The following ADAM28 variants were observed in gnomAD, a reference collection of about 807,000 sequenced individuals.
ADAM28 encodes the protein ADAM metallopeptidase domain 28.
ADAM28 carries 105 observed loss-of-function variants against 101.2 expected under a neutral mutation model. The observed-to-expected ratio is 1.04, with a 90% confidence interval of 0.89 to 1.22. ADAM28 has a LOEUF of 1.22. ADAM28 is among the 50% of genes most tolerant of loss of function. The pLI is 0.00. For missense variants in ADAM28, 1,028 were observed against 945.4 expected (o/e 1.09, Z -1.15); for synonymous variants, 322 against 310.6 (o/e 1.04, Z -0.39).
Position 24,354,429 on chromosome 8 carries a change from G to A in ADAM28, c.*25G>A. 1 of 1,599,782 alleles carries A rather than the reference G, an allele frequency of 6.3e-7. No homozygotes were observed. The highest frequency in any genetic ancestry group is 8.5e-7 in the Non-Finnish European group (1 of 1,172,750). On this transcript the variant is annotated 3_prime_UTR_variant, in exon 23 of 23. Coordinates refer to ENST00000265769, the MANE Select transcript of ADAM28 (RefSeq NM_014265.6). ...AAGCAACAGCTAAGCAAGAACTAATGGCTAAATTATCAACTTGGAAAACTG... is the reference window on the plus strand; with the variant it reads ...AAGCAACAGCTAAGCAAGAACTAATAGCTAAATTATCAACTTGGAAAACTG...
chr8:24,340,953 C>G (rs1260622126), intron 15 of ADAM28: 1 of 152,164 alleles, frequency 6.6e-6, no homozygotes, highest in Non-Finnish European at 1.5e-5. Flanking sequence ...TTAATCTGCA[C>G]CTTCAGGGAG....
chr8:24,299,965 T>G lies in ADAM28; in HGVS notation c.47-9T>G, dbSNP rs112530601. On this transcript the variant is annotated splice_polypyrimidine_tract_variant and intron_variant, in intron 1 of 22. Transcript: ENST00000265769. ...CCTGGATAAGTCTTTTCTTTTTCTT[T>G]TTTCTCAGTAAGTGCTATAAAAGAA... 2.1e-5 allele frequency: 34 copies of G among 1,603,674 alleles called. No individual in the cohort carries two copies. The highest frequency in any genetic ancestry group is 2.9e-5 in the Non-Finnish European group (34 of 1,177,360).
chr8:24,299,799 T>C (rs1808461788), intron 1 of ADAM28, 175 bp from the exon 2 acceptor site: 1 of 485,686 alleles, frequency 2.1e-6, no homozygotes, highest in Non-Finnish European at 3.6e-6. Flanking sequence ...GAGGAAAGAG[T>C]AGCTTTCTGA....
intron 18 of ADAM28, among the ~76,000 whole-genome samples, chr8:24,348,093 C>G (rs1197005108): frequency 6.6e-6 from 1 of 151,842 alleles, no homozygotes; most frequent in Non-Finnish European, 1.5e-5. Context: ...TGTTTATGTT[C>G]CCTTTTCTCT....
intron 5 of ADAM28, among the ~76,000 whole-genome samples, chr8:24,312,836 A>C (rs1810651188): frequency 6.6e-6 from 1 of 152,132 alleles, no homozygotes; most frequent in Non-Finnish European, 1.5e-5. Context: ...AGCAGAGAAA[A>C]TTGAGAAGAA....
chr8:24,350,034 T>A (rs1815890599), intron 19 of ADAM28, 62 bp downstream of exon 19: 1 of 1,426,302 alleles, frequency 7.0e-7, no homozygotes, highest in Non-Finnish European at 9.8e-7. Context: ...TTACTTTAAA[T>A]TCAATGTATA....
chr8:24,321,416 T>C, intron 8 of ADAM28, 127 bp downstream of exon 8: 1 of 790,284 alleles, frequency 1.3e-6, no homozygotes, highest in Non-Finnish European at 2.3e-6. Flanking sequence ...GCTGACTGGC[T>C]CCCAAAGGAT....
In ADAM28 at chr8:24,331,313, T is replaced by C. The variant is rs763966430; in HGVS notation, c.1267T>C (p.Cys423Arg). 10 of 1,607,284 alleles carry C rather than the reference T, an allele frequency of 6.2e-6. No homozygotes were observed. Among genetic ancestry groups the C allele is most frequent in the Non-Finnish European group, 7.6e-6 (9 of 1,177,164 alleles). ...QLVEMGEDCD[C>R]GTSEECTNIC... ...GGTGGAAATGGGAGAGGACTGTGAT[T>C]GTGGGACATCTGAGGTATGGCCAAT... Residue 423 changes from cysteine (C) to arginine (R), a missense_variant, in exon 12 of 23, where the codon TGT becomes CGT. Physicochemically the swap from Cys to Arg is radical, Grantham distance 180 (BLOSUM62 -3). Coordinates refer to ENST00000265769, the MANE Select transcript of ADAM28 (RefSeq NM_014265.6).
rs369234029 is a variant in ADAM28 at position 24,337,363 on chromosome 8, C to A, written c.1567+1722C>A. On this transcript the variant is annotated intron_variant, in intron 14 of 22. Transcript: ENST00000265769. Reference sequence around the variant, plus strand: ...TTTAGCACAGAGGTGAAGTTCTGAGCATCACCTTTATTATCTTGTAGTAAA... The same window carrying A: ...TTTAGCACAGAGGTGAAGTTCTGAGAATCACCTTTATTATCTTGTAGTAAA... Among the ~76,000 whole-genome samples, 17 of 152,354 alleles carry A rather than the reference C, an allele frequency of 1.1e-4. No individual in the cohort carries two copies. In the East Asian group the frequency reaches 1.3e-3, roughly 12 times the overall value.
chr8:24,331,182 G>C lies in ADAM28; in HGVS notation c.1136G>C (p.Ser379Thr). 1 of 1,612,936 alleles carries C rather than the reference G, an allele frequency of 6.2e-7. No individual in the cohort carries two copies. Among genetic ancestry groups the C allele is most frequent in the East Asian group, 2.2e-5 (1 of 44,842 alleles). Reference sequence around the variant, plus strand: ...ATACCCACAGACTTCAGTTCCTGCAGCCGTCTCAGCTATGACAAGTTTTTT... The same window carrying C: ...ATACCCACAGACTTCAGTTCCTGCACCCGTCTCAGCTATGACAAGTTTTTT... Reference protein sequence around the residue: ...FYIPTDFSSCSRLSYDKFFED... With the variant: ...FYIPTDFSSCTRLSYDKFFED... The change falls in exon 12 of 23, where the codon AGC (serine) becomes ACC (threonine). Residue 379 changes from serine to threonine, a missense_variant. Ser to Thr is a moderately conservative substitution (Grantham distance 58). Coordinates refer to ENST00000265769, the MANE Select transcript of ADAM28 (RefSeq NM_014265.6).
At chr8:24,329,180 A>C (rs930665511) in intron 10 of ADAM28, among the ~76,000 whole-genome samples, 9 of 152,094 alleles carry the variant, frequency 5.9e-5, no homozygotes, top group African/African-American at 2.2e-4. Context: ...AAAAGAATGA[A>C]AGAATATAGT....
At chr8:24,353,886 C>G in intron 22 of ADAM28, 54 bp downstream of exon 22, 3 of 1,228,812 alleles carry the variant, frequency 2.4e-6, no homozygotes, top group Non-Finnish European at 3.5e-6. Context: ...CTCCTACTGT[C>G]AAGAGAAGGC....
In ADAM28 at chr8:24,351,418, T is replaced by C. The variant is rs765001074; in HGVS notation, c.2178+108T>C. On this transcript the variant is annotated intron_variant, in intron 20 of 22. Coordinates refer to ENST00000265769, the MANE Select transcript of ADAM28 (RefSeq NM_014265.6). ...ATTTCTACCCAGCAGCGTTTTGCAG[T>C]AACACATTCAGAAATGTCTCCTTTG... The C allele has an allele frequency of 1.7e-5, 20 of 1,191,346 alleles. No individual in the cohort carries two copies. The African/African-American group carries it at 2.9e-4, about 17-fold the overall frequency. 73.8% of individuals were successfully genotyped at this position (1,191,346 alleles called of 1,614,324 possible).
rs1342312382 is a variant in ADAM28, at chr8:24,323,985, A to G, written c.872A>G (p.Asp291Gly). The change falls in exon 9 of 23, where the codon GAT becomes GGT. Residue 291 changes from aspartate (D) to glycine (G), a missense_variant. Asp to Gly is a moderately conservative substitution (Grantham distance 94, BLOSUM62 -1). Transcript: ENST00000265769. ...GSVLSRRKRHDIAQLITATEL... is the reference protein window; with the variant it reads ...GSVLSRRKRHGIAQLITATEL... Reference sequence around the variant, plus strand: ...GTTCTCTCAAGAAGAAAGCGTCATGATATTGCTCAGTTAATCACGTATGTA... The same window carrying G: ...GTTCTCTCAAGAAGAAAGCGTCATGGTATTGCTCAGTTAATCACGTATGTA... The G allele has an allele frequency of 6.2e-7, 1 of 1,611,910 alleles. No individual in the cohort carries two copies. Among genetic ancestry groups the G allele is most frequent in the South Asian group, 1.1e-5 (1 of 91,014 alleles).
chr8:24,306,722 T>C (rs1809745994), intron 2 of ADAM28, among the ~76,000 whole-genome samples: 1 of 152,172 alleles, frequency 6.6e-6, no homozygotes, highest in South Asian at 2.1e-4. Context: ...TTATCTGAGA[T>C]TCACATTTAA....
At chr8:24,308,548 G>A (rs1023298636) in intron 2 of ADAM28, 1 of 449,338 alleles carries the variant, frequency 2.2e-6, no homozygotes, top group Non-Finnish European at 4.5e-6. Flanking sequence ...CATTCTCATG[G>A]CTTCATTCTA....
chr8:24,343,770 A>AT (rs924352570), intron 18 of ADAM28, among the ~76,000 whole-genome samples, 186 bp downstream of exon 18: 77 of 152,174 alleles, frequency 5.1e-4, no homozygotes, highest in African/African-American at 1.8e-3. Context: ...CCGTGTCTTC[A>AT]TTTTCACTGC....
intron 8 of ADAM28, among the ~76,000 whole-genome samples, chr8:24,322,388 C>G (rs898810846): frequency 6.6e-6 from 1 of 151,778 alleles, no homozygotes; most frequent in East Asian, 1.9e-4. Flanking sequence ...ATAGTCTCAG[C>G]GAATGTGGAA....
chr8:24,323,775 T>C, intron 8 of ADAM28, 59 bp from the exon 9 acceptor site: 1 of 1,475,092 alleles, frequency 6.8e-7, no homozygotes, highest in East Asian at 2.3e-5. Context: ...ATATTGAAAA[T>C]GTTTAAAATG....
Sources: allele counts gnomAD v4.1 joint callset (sites outside exome capture counted in the v4.1 genomes callset), GRCh38; gene constraint gnomAD v4.1.1; transcripts MANE v1.5; gene names NCBI Gene and HGNC (gene_info 2026-07-23, HGNC 2026-07-21).